Variants in ZMAT4 observed in about 807,000 individuals in gnomAD.
The protein encoded by ZMAT4 is zinc finger matrin-type protein 4.
A neutral mutation model predicts 28.7 loss-of-function variants in ZMAT4; 17 were observed. That is an observed-to-expected ratio of 0.59 (90% CI 0.41 to 0.89). ZMAT4 has a LOEUF of 0.89. ZMAT4 is among the 40% of genes least tolerant of loss of function. ZMAT4 has a pLI of 0.00. For missense variants in ZMAT4, 240 were observed against 283.8 expected (o/e 0.85, Z 1.11); for synonymous variants, 117 against 109.2 (o/e 1.07, Z -0.44).
intron 1 of ZMAT4, among the ~76,000 whole-genome samples, chr8:40,886,115 G>A (rs546216345): frequency 2.9e-4 from 44 of 152,348 alleles, no homozygotes; most frequent in Non-Finnish European, 6.2e-4. Context: ...ACTGAAGGAT[G>A]GGAAAGAGAA....
chr8:40,757,989 A>G (rs576674414), intron 3 of ZMAT4, among the ~76,000 whole-genome samples: 1 of 152,100 alleles, frequency 6.6e-6, no homozygotes, highest in Non-Finnish European at 1.5e-5. Context: ...GCCCTAGAAC[A>G]TCAGACTCCA....
intron 6 of ZMAT4, among the ~76,000 whole-genome samples, chr8:40,569,098 T>C (rs1272865754): frequency 6.6e-6 from 1 of 152,146 alleles, no homozygotes; most frequent in Non-Finnish European, 1.5e-5. Flanking sequence ...ATGGGGGAGC[T>C]GATTTGTCCA....
At chr8:40,737,150 C>T (rs1272261226) in intron 3 of ZMAT4, among the ~76,000 whole-genome samples, 1 of 152,150 alleles carries the variant, frequency 6.6e-6, no homozygotes, top group Non-Finnish European at 1.5e-5. Context: ...TGGCTCAGGA[C>T]AGCTTTGAAT....
At chr8:40,549,803 C>T (rs1266679037) in intron 6 of ZMAT4, among the ~76,000 whole-genome samples, 2 of 152,074 alleles carry the variant, frequency 1.3e-5, no homozygotes, top group South Asian at 2.1e-4. Context: ...TCTTCATTGC[C>T]TAAATTCCTT....
At chr8:40,541,884 C>T (rs1803044799) in intron 6 of ZMAT4, among the ~76,000 whole-genome samples, 1 of 152,172 alleles carries the variant, frequency 6.6e-6, no homozygotes, top group African/African-American at 2.4e-5. Flanking sequence ...CTGGGGTACA[C>T]ATTCTGTGAA....
chr8:40,708,493 G>A (rs954262004), intron 3 of ZMAT4, among the ~76,000 whole-genome samples: 2 of 151,750 alleles, frequency 1.3e-5, no homozygotes, highest in African/African-American at 2.4e-5. Flanking sequence ...GGGGAGAGTG[G>A]AGCTAATACA....
intron 3 of ZMAT4, among the ~76,000 whole-genome samples, chr8:40,715,726 T>C (rs1810822516): frequency 6.6e-6 from 1 of 152,156 alleles, no homozygotes; most frequent in African/African-American, 2.4e-5. Flanking sequence ...AGCCCAGACA[T>C]GCATGGGGCA....
chr8:40,896,098 A>T (rs1818867349), intron 1 of ZMAT4, among the ~76,000 whole-genome samples: 1 of 152,218 alleles, frequency 6.6e-6, no homozygotes, highest in African/African-American at 2.4e-5. Context: ...GCATTTTTTT[A>T]ACCATTGTGA....
At chr8:40,687,848 A>C (rs544724018) in intron 4 of ZMAT4, among the ~76,000 whole-genome samples, 1 of 152,342 alleles carries the variant, frequency 6.6e-6, no homozygotes, top group African/African-American at 2.4e-5. Context: ...AATGATTAGC[A>C]GTTTCCACTA....
chr8:40,647,673 C>T (rs1362646763), intron 5 of ZMAT4, among the ~76,000 whole-genome samples: 1 of 152,116 alleles, frequency 6.6e-6, no homozygotes, highest in East Asian at 1.9e-4. Context: ...CTTAAATGTC[C>T]CTGTCTGACA....
chr8:40,594,893 T>C (rs573360524), intron 5 of ZMAT4, among the ~76,000 whole-genome samples: 2 of 152,204 alleles, frequency 1.3e-5, no homozygotes, highest in African/African-American at 4.8e-5. Context: ...TGGAAAATTA[T>C]CTCGAGTCTT....
intron 5 of ZMAT4, among the ~76,000 whole-genome samples, chr8:40,640,355 G>A (rs1292034349): frequency 6.6e-6 from 1 of 152,102 alleles, no homozygotes; most frequent in African/African-American, 2.4e-5. Flanking sequence ...GAATCCAATA[G>A]GTCCATTTAT....
chr8:40,811,059 C>T lies in ZMAT4; in HGVS notation c.102+14516G>A, dbSNP rs545639044. 3.3e-5 allele frequency among the ~76,000 whole-genome samples: 5 copies of T among 152,286 alleles called. No individual in the cohort carries two copies. In the South Asian group the frequency reaches 1.0e-3, roughly 32 times the overall value. ...AGATATGTAGAGATCTGGGAACCCT[C>T]ATGTACAATTGGTTGGAGAGTAGAG... On this transcript the variant is annotated intron_variant, in intron 2 of 6. Coordinates refer to ENST00000297737, the MANE Select transcript of ZMAT4 (RefSeq NM_024645.3).
In ZMAT4 at chr8:40,715,047, C is replaced by CAAAAAAAAAAAAAAA. The variant is rs10690797; in HGVS notation, c.193-17661_193-17647dup. ...CTGGCGACAGAGGGAGACTCTGTCT[C>CAAAAAAAAAAAAAAA]AAAAAAAAAAAAAAAAAGTGTGTGA... On this transcript the variant is annotated intron_variant, in intron 3 of 6. Coordinates refer to ENST00000297737, the MANE Select transcript of ZMAT4 (RefSeq NM_024645.3). Among the ~76,000 whole-genome samples the CAAAAAAAAAAAAAAA allele has an allele frequency of 2.6e-4, 19 of 73,350 alleles. 1 individual carries two copies. Among genetic ancestry groups the CAAAAAAAAAAAAAAA allele is most frequent in the African/African-American group, 1.0e-3 (17 of 16,324 alleles). 48.1% of individuals were successfully genotyped at this position (73,350 alleles called of 152,430 possible).
intron 3 of ZMAT4, among the ~76,000 whole-genome samples, chr8:40,721,290 C>T (rs1346923078): frequency 7.2e-6 from 1 of 138,324 alleles, no homozygotes; most frequent in Non-Finnish European, 1.5e-5. Context: ...CATCCATGTC[C>T]CTACAAAGGA....
At chr8:40,683,942 G>A (rs1472532863) in intron 4 of ZMAT4, among the ~76,000 whole-genome samples, 2 of 151,992 alleles carry the variant, frequency 1.3e-5, no homozygotes, top group Non-Finnish European at 2.9e-5. Context: ...GCACGCGCCT[G>A]TAGTCCCAGC....
intron 6 of ZMAT4, among the ~76,000 whole-genome samples, chr8:40,573,092 T>C (rs924049608): frequency 1.3e-5 from 2 of 152,152 alleles, no homozygotes; most frequent in African/African-American, 4.8e-5. Context: ...ACAATAAAAT[T>C]TGTTGCTTTA....
chr8:40,681,528 C>T (rs1809165215), intron 4 of ZMAT4, among the ~76,000 whole-genome samples: 1 of 152,174 alleles, frequency 6.6e-6, no homozygotes, highest in Non-Finnish European at 1.5e-5. Flanking sequence ...TTCTGTAGTG[C>T]TGTCACCACA....
At chr8:40,871,325 C>T (rs1387955738) in intron 1 of ZMAT4, among the ~76,000 whole-genome samples, 1 of 152,332 alleles carries the variant, frequency 6.6e-6, no homozygotes, top group East Asian at 1.9e-4. Flanking sequence ...ACCTTCCCCT[C>T]CTCTCCCTAT....
Sources: gnomAD v4.1 joint callset for allele counts (sites outside exome capture counted in the v4.1 genomes callset) on GRCh38, gnomAD v4.1.1 for gene constraint, MANE v1.5 for transcripts, NCBI Gene and HGNC (gene_info 2026-07-23, HGNC 2026-07-21) for gene names.